TAB1: variants seen among roughly 807,000 people sequenced by gnomAD.
The protein encoded by TAB1 is TGF-beta activated kinase 1 (MAP3K7) binding protein 1.
TAB1 carries 30 observed loss-of-function variants against 54.5 expected under a neutral mutation model. The ratio of observed to expected loss-of-function variants is 0.55; its 90% CI spans 0.41 to 0.75. TAB1 has a LOEUF of 0.75. TAB1 is among the 30% of genes least tolerant of loss of function. The pLI is 0.00. For missense variants in TAB1, 609 were observed against 683.2 expected, an observed-to-expected ratio of 0.89 and a Z score of 1.21; for synonymous variants, 289 against 286.9, an observed-to-expected ratio of 1.01 and a Z score of -0.07.
In TAB1 at chr22:39,431,695, A is replaced by G. The variant is rs1927593128; in HGVS notation, c.*1473A>G. On this transcript the variant is annotated 3_prime_UTR_variant, in exon 11 of 11. Coordinates refer to ENST00000216160, the MANE Select transcript of TAB1 (RefSeq NM_006116.3). ...GCCCAGGGTCCTCGCTCACTCCCTC[A>G]CTCCCCACTTTGAAGCCATCTCTGT... 1.0e-6 allele frequency: 1 copy of G among 984,804 alleles called. No homozygotes were observed. Among genetic ancestry groups the G allele is most frequent in the Non-Finnish European group, 1.2e-6 (1 of 829,870 alleles). 61.0% of individuals were successfully genotyped at this position (984,804 alleles called of 1,614,324 possible).
At chr22:39,436,448 G>A (rs767116364), downstream of TAB1, 1 of 1,526,864 alleles carries the variant, frequency 6.5e-7, no homozygotes, top group Non-Finnish European at 9.1e-7. Flanking sequence ...TTAAACTCTG[G>A]ACTTTTCTTC....
At chr22:39,426,064 G>T (rs1171160803) in intron 8 of TAB1, among the ~76,000 whole-genome samples, 1 of 151,356 alleles carries the variant, frequency 6.6e-6, no homozygotes, top group Non-Finnish European at 1.5e-5. Context: ...TCAACATGTT[G>T]GCCAAGCTGG....
chr22:39,428,653 C>T (rs1484101305), intron 10 of TAB1, among the ~76,000 whole-genome samples: 2 of 152,180 alleles, frequency 1.3e-5, no homozygotes, highest in African/African-American at 2.4e-5. Flanking sequence ...CCCCTCCAGC[C>T]GCAGACCTGC....
chr22:39,406,197 A>C (rs1461698232), intron 1 of TAB1, among the ~76,000 whole-genome samples: 1 of 152,158 alleles, frequency 6.6e-6, no homozygotes, highest in African/African-American at 2.4e-5. Flanking sequence ...CAGGAGTTCA[A>C]GACCAGCCTG....
At position 39,415,805 on chromosome 22, in the gene TAB1, C is replaced by A; in HGVS notation, c.324+152C>A. The A allele has an allele frequency of 9.7e-7, 1 of 1,027,488 alleles. No individual in the cohort carries two copies. Among genetic ancestry groups the A allele is most frequent in the East Asian group, 2.6e-5 (1 of 37,926 alleles). 63.6% of individuals were successfully genotyped at this position (1,027,488 alleles called of 1,614,324 possible). ...AGGAGCAGCTCCCAGCGTAGGCCCC[C>A]CCACCCAACAGGAGTCCAGGACCAG... On this transcript the variant is annotated intron_variant, in intron 3 of 10. Transcript: ENST00000216160. This position sits in a 1 kb window ranked among gnomAD's most constrained non-coding sequence, Gnocchi z 4.9.
At chr22:39,403,445 G>A (rs1926229866) in intron 1 of TAB1, among the ~76,000 whole-genome samples, 1 of 152,196 alleles carries the variant, frequency 6.6e-6, no homozygotes. Context: ...CCTCAGGGGT[G>A]CTGGTGCAGC....
At chr22:39,412,578 A>G (rs2145663831) in intron 1 of TAB1, among the ~76,000 whole-genome samples, 1 of 152,324 alleles carries the variant, frequency 6.6e-6, no homozygotes, top group East Asian at 1.9e-4. Flanking sequence ...TCCAGGGTGC[A>G]AAATGTAGAG....
chr22:39,419,947 T>G (rs1413913198), intron 7 of TAB1, among the ~76,000 whole-genome samples: 2 of 110,408 alleles, frequency 1.8e-5, no homozygotes, highest in Non-Finnish European at 3.5e-5. Context: ...AGTTGGGTAC[T>G]GTAGAAACAA....
intron 1 of TAB1, among the ~76,000 whole-genome samples, chr22:39,405,855 T>A (rs1470577201): frequency 6.6e-6 from 1 of 152,144 alleles, no homozygotes; most frequent in African/African-American, 2.4e-5. Flanking sequence ...GACCAGATAC[T>A]CTCACTCCCA....
intron 8 of TAB1, among the ~76,000 whole-genome samples, chr22:39,425,254 C>T (rs1927269341): frequency 6.6e-6 from 1 of 151,704 alleles, no homozygotes; most frequent in South Asian, 2.1e-4. Context: ...CATAGTGACG[C>T]ACGCCTGTAA....
At chr22:39,419,453 T>C (rs1926976520) in intron 6 of TAB1, 66 bp from the exon 7 acceptor site, 1 of 1,332,508 alleles carries the variant, frequency 7.5e-7, no homozygotes, top group Non-Finnish European at 1.1e-6. Context: ...ACTGTGTCTC[T>C]GTCCCCTTCT....
intron 9 of TAB1, among the ~76,000 whole-genome samples, chr22:39,427,167 C>T (rs1927386694): frequency 6.6e-6 from 1 of 152,240 alleles, no homozygotes; most frequent in Non-Finnish European, 1.5e-5. Flanking sequence ...AGTGCCCCAG[C>T]AAGCAATTCA....
chr22:39,417,942 T>A (rs1926910903), intron 5 of TAB1, 93 bp downstream of exon 5: 1 of 1,474,572 alleles, frequency 6.8e-7, no homozygotes, highest in East Asian at 2.4e-5. Flanking sequence ...TCCAGACACT[T>A]CACGCACTTT....
intron 3 of TAB1, 28 bp from the exon 4 acceptor site, chr22:39,416,763 G>A (rs774369870): frequency 6.2e-7 from 1 of 1,610,784 alleles, no homozygotes; most frequent in East Asian, 2.2e-5. Flanking sequence ...TTTTGAACCA[G>A]CCTTTGCCCT....
chr22:39,429,155 T>C, intron 10 of TAB1: 3 of 985,464 alleles, frequency 3.0e-6, no homozygotes, highest in Non-Finnish European at 3.6e-6. Flanking sequence ...GGTCCCACCA[T>C]GGGCTGGCCC....
At position 39,416,835 on chromosome 22, in the gene TAB1, C is replaced by A. The variant is rs202132585; in HGVS notation, c.369C>A (p.Asp123Glu). The A allele has an allele frequency of 3.7e-6, 6 of 1,614,076 alleles. No individual in the cohort carries two copies. The highest frequency in any genetic ancestry group is 5.1e-6 in the Non-Finnish European group (6 of 1,180,044). Residue 123 changes from aspartate (D) to glutamate (E), a missense_variant, in exon 4 of 11, where the codon GAC becomes GAA. Physicochemically the swap from Asp to Glu is conservative, Grantham distance 45. Transcript: ENST00000216160. Reference sequence around the variant, plus strand: ...GGAGCTTCCTGGAGTCCATTGACGACGCCTTGGCTGAGAAGGCAAGCCTCC... The same window carrying A: ...GGAGCTTCCTGGAGTCCATTGACGAAGCCTTGGCTGAGAAGGCAAGCCTCC... ...VERSFLESIDDALAEKASLQS... is the reference protein window; with the variant it reads ...VERSFLESIDEALAEKASLQS...
chr22:39,424,438 CTTTT>C (rs762665225), intron 8 of TAB1, among the ~76,000 whole-genome samples: 11 of 89,456 alleles, frequency 1.2e-4, no homozygotes, highest in African/African-American at 4.4e-4. Context: ...GTTCTGATTT[CTTTT>C]TTTTTTTTTT....
intron 1 of TAB1, among the ~76,000 whole-genome samples, chr22:39,403,944 G>T (rs1372950765): frequency 6.6e-6 from 1 of 152,022 alleles, no homozygotes; most frequent in African/African-American, 2.4e-5. Context: ...GTGCCCGGCC[G>T]AAAAATCCCT....
At chr22:39,426,667 C>T (rs558742982) in intron 8 of TAB1, 36 bp from the exon 9 acceptor site, 36 of 1,558,632 alleles carry the variant, frequency 2.3e-5, no homozygotes, top group Admixed American at 3.5e-5. Flanking sequence ...GGCCGCACCT[C>T]GTTCCTTACC....
Sources: gnomAD v4.1 joint callset for allele counts (sites outside exome capture counted in the v4.1 genomes callset) on GRCh38, gnomAD v4.1.1 for gene constraint, Gnocchi (gnomAD v3.1) non-coding constraint, MANE v1.5 for transcripts, NCBI Gene and HGNC (gene_info 2026-07-23, HGNC 2026-07-21) for gene names.